ME3: variants seen among roughly 807,000 people sequenced by gnomAD.
ME3 encodes the protein NADP-dependent malic enzyme, mitochondrial.
Under a neutral mutation model 68.9 loss-of-function variants are expected in ME3, and 48 were observed. The ratio of observed to expected loss-of-function variants is 0.70; its 90% CI spans 0.55 to 0.89. ME3 has a LOEUF of 0.89. ME3 is among the 40% of genes least tolerant of loss of function. ME3 has a pLI of 0.00. For missense variants in ME3, 675 were observed against 797.4 expected, an observed-to-expected ratio of 0.85 and a Z score of 1.85; for synonymous variants, 320 against 318.8, an observed-to-expected ratio of 1.00 and a Z score of -0.04.
intron 7 of ME3, among the ~76,000 whole-genome samples, chr11:86,476,109 A>G (rs1208954935): frequency 6.6e-6 from 1 of 152,192 alleles, no homozygotes; most frequent in Non-Finnish European, 1.5e-5. Context: ...TGTTAAAACC[A>G]ACAGGAGAAG....
chr11:86,611,631 A>C (rs1942586763), intron 2 of ME3, among the ~76,000 whole-genome samples: 1 of 150,454 alleles, frequency 6.6e-6, no homozygotes, highest in Non-Finnish European at 1.5e-5. Flanking sequence ...AAAAATGAAT[A>C]TCTGATTAGT....
intron 7 of ME3, among the ~76,000 whole-genome samples, chr11:86,483,094 G>A (rs1436823555): frequency 6.6e-6 from 1 of 152,162 alleles, no homozygotes; most frequent in Non-Finnish European, 1.5e-5. Flanking sequence ...CTGCACAAAG[G>A]CCCGACAAGT....
intron 2 of ME3, among the ~76,000 whole-genome samples, chr11:86,596,853 T>C (rs1182880247): frequency 2.0e-5 from 3 of 152,242 alleles, no homozygotes; most frequent in Non-Finnish European, 1.5e-5. Flanking sequence ...TTTTTCTTTA[T>C]ATTTTCCATT....
chr11:86,549,437 A>G (rs1006594684), intron 4 of ME3, among the ~76,000 whole-genome samples: 3 of 152,180 alleles, frequency 2.0e-5, no homozygotes, highest in Admixed American at 6.5e-5. Flanking sequence ...ACCTGACTCT[A>G]AAGTCTAAAC....
In ME3 at chr11:86,560,746, GTGTATATA is replaced by G. The variant is rs1355141756; in HGVS notation, c.184-931_184-924del. Among the ~76,000 whole-genome samples the G allele has an allele frequency of 1.4e-3, 128 of 90,250 alleles. No homozygotes were observed. The Middle Eastern group carries it at 0.05, about 35-fold the overall frequency. 59.2% of individuals were successfully genotyped at this position (90,250 alleles called of 152,430 possible). On this transcript the variant is annotated intron_variant, in intron 2 of 14. Coordinates refer to ENST00000543262, the Ensembl canonical transcript of ME3. ...TGTGTATGTGTGTGTGTGTGTGTGT[GTGTATATA>G]TATATATATATATATATATTTCCAG...
intron 6 of ME3, among the ~76,000 whole-genome samples, chr11:86,489,649 A>G (rs994046680): frequency 3.9e-5 from 6 of 151,990 alleles, no homozygotes; most frequent in African/African-American, 1.2e-4. Context: ...TTCCTGCCCA[A>G]CCGAGACTCT....
At position 86,457,979 on chromosome 11, in the gene ME3, A is replaced by G. The variant is rs185051417; in HGVS notation, c.919+7112T>C. Among the ~76,000 whole-genome samples, 129 of 152,322 alleles carry G rather than the reference A, an allele frequency of 8.5e-4. 1 individual carries two copies. In the Middle Eastern group the frequency reaches 0.01, roughly 12 times the overall value. The stretch of plus-strand genomic sequence containing the variant: ...GGAGGAAAGAATTTACTGCTTTATC[A>G]GGTAAGGGAAAACTTCTGACCCAGG... On this transcript the variant is annotated intron_variant, in intron 8 of 14. Coordinates refer to ENST00000543262, the Ensembl canonical transcript of ME3.
At chr11:86,659,596 T>C (rs1324533938) in intron 2 of ME3, among the ~76,000 whole-genome samples, 1 of 152,254 alleles carries the variant, frequency 6.6e-6, no homozygotes, top group East Asian at 1.9e-4. Context: ...ACATTGTGTA[T>C]GCAAGTATTT....
intron 4 of ME3, among the ~76,000 whole-genome samples, chr11:86,515,138 T>C (rs973274167): frequency 1.5e-4 from 23 of 152,146 alleles, no homozygotes; most frequent in African/African-American, 5.6e-4. Flanking sequence ...AATATAAGGA[T>C]CTTTGGTGAT....
At chr11:86,475,047 C>G (rs577451823) in intron 7 of ME3, among the ~76,000 whole-genome samples, 1 of 152,324 alleles carries the variant, frequency 6.6e-6, no homozygotes, top group South Asian at 2.1e-4. Flanking sequence ...GTTATAATCA[C>G]AGGGAAAATT....
rs1205031407 is a variant in ME3 at position 86,602,193 on chromosome 11, A to G, written c.184-42370T>C. On this transcript the variant is annotated intron_variant, in intron 2 of 14. Coordinates refer to ENST00000543262, the Ensembl canonical transcript of ME3. Reference sequence around the variant, plus strand: ...CTGTTTGCAGATGACATGATTGTATATCTAGAAAACCCCATTGTCTCAGCC... The same window carrying G: ...CTGTTTGCAGATGACATGATTGTATGTCTAGAAAACCCCATTGTCTCAGCC... Among the ~76,000 whole-genome samples the G allele has an allele frequency of 3.3e-5, 5 of 150,546 alleles. No individual in the cohort carries two copies. In the Admixed American group the frequency reaches 3.4e-4, roughly 10 times the overall value.
chr11:86,491,436 G>A lies in ME3; in HGVS notation c.706-3996C>T, dbSNP rs113766392. On this transcript the variant is annotated intron_variant, in intron 6 of 14. Coordinates refer to ENST00000543262, the Ensembl canonical transcript of ME3. ...GGTCCAGACTCTTGACTTGCAGACC[G>A]GGCTGGGGAACGGGGAGAGCTGGAA... Among the ~76,000 whole-genome samples the A allele has an allele frequency of 5.8e-3, 888 of 152,332 alleles. 9 individuals are homozygous for A. The highest frequency in any genetic ancestry group is 0.02 in the African/African-American group (819 of 41,564).
At chr11:86,588,636 C>G (rs1482999103) in intron 2 of ME3, among the ~76,000 whole-genome samples, 1 of 152,164 alleles carries the variant, frequency 6.6e-6, no homozygotes, top group East Asian at 1.9e-4. Context: ...GGAAAAACAG[C>G]AGCCTCAAGT....
In ME3 at chr11:86,615,948, G is replaced by C. The variant is rs560396776; in HGVS notation, c.183+55814C>G. The stretch of plus-strand genomic sequence containing the variant: ...AACTCATAAACATCCTAATTGCATA[G>C]AATGCATGGATAAGCAGAAGGAAGT... On this transcript the variant is annotated intron_variant, in intron 2 of 14. Coordinates refer to ENST00000543262, the Ensembl canonical transcript of ME3. Among the ~76,000 whole-genome samples, 3 of 152,204 alleles carry C rather than the reference G, an allele frequency of 2.0e-5. No individual in the cohort carries two copies. In the East Asian group the frequency reaches 5.8e-4, roughly 29 times the overall value.
At chr11:86,448,752 A>G (rs557890036) in intron 10 of ME3, among the ~76,000 whole-genome samples, 20 of 151,894 alleles carry the variant, frequency 1.3e-4, no homozygotes, top group Admixed American at 2.6e-4. Context: ...GCCATGCCCA[A>G]CCAGCTCCAG....
chr11:86,490,689 C>A (rs1349059496), intron 6 of ME3, among the ~76,000 whole-genome samples: 1 of 152,146 alleles, frequency 6.6e-6, no homozygotes, highest in Non-Finnish European at 1.5e-5. Flanking sequence ...GAAGGACATA[C>A]ATAAAAATGA....
chr11:86,506,097 C>T (rs184810201), intron 5 of ME3, among the ~76,000 whole-genome samples: 1 of 152,298 alleles, frequency 6.6e-6, no homozygotes, highest in Non-Finnish European at 1.5e-5. Flanking sequence ...TAGATGTTTA[C>T]TAAAAGATGG....
At chr11:86,488,908 G>A (rs1301224560) in intron 6 of ME3, among the ~76,000 whole-genome samples, 1 of 152,084 alleles carries the variant, frequency 6.6e-6, no homozygotes, top group African/African-American at 2.4e-5. Context: ...AATTCCCTTT[G>A]GGGGGCAGAT....
chr11:86,547,255 A>AG (rs1956416452), intron 4 of ME3, among the ~76,000 whole-genome samples: 2 of 151,612 alleles, frequency 1.3e-5, no homozygotes, highest in African/African-American at 4.8e-5. Flanking sequence ...AAAAAAAAAA[A>AG]AAAAAGAAAA....
Sources: gnomAD v4.1 joint callset for allele counts (sites outside exome capture counted in the v4.1 genomes callset) on GRCh38, gnomAD v4.1.1 for gene constraint, MANE v1.5 for transcripts, NCBI Gene and HGNC (gene_info 2026-07-23, HGNC 2026-07-21) for gene names.